The following CPEB3 variants were observed in gnomAD, a reference collection of about 807,000 sequenced individuals.
CPEB3 encodes the protein cytoplasmic polyadenylation element binding protein 3, also known as cytoplasmic polyadenylation element-binding protein 3.
Under a neutral mutation model 67.2 loss-of-function variants are expected in CPEB3, and 20 were observed. That is an observed-to-expected ratio of 0.30 (90% confidence interval 0.21 to 0.43). The LOEUF (loss-of-function observed/expected upper bound fraction) is 0.43. CPEB3 is among the 20% of genes least tolerant of loss of function. The pLI is 1.00. For missense variants in CPEB3, 746 were observed against 968.6 expected, an observed-to-expected ratio of 0.77 and a Z score of 3.05; for synonymous variants, 376 against 393.1, an observed-to-expected ratio of 0.96 and a Z score of 0.51.
chr10:92,219,947 C>G (rs1388038951), intron 2 of CPEB3, among the ~76,000 whole-genome samples: 1 of 152,194 alleles, frequency 6.6e-6, no homozygotes, highest in Non-Finnish European at 1.5e-5. Context: ...CACCTGAGGT[C>G]AGGAGTTCGA....
chr10:92,191,812 G>C (rs1848998231), intron 3 of CPEB3, among the ~76,000 whole-genome samples: 1 of 152,106 alleles, frequency 6.6e-6, no homozygotes, highest in Non-Finnish European at 1.5e-5. Context: ...CCCATAAAAA[G>C]AACTATCTGT....
intron 4 of CPEB3, among the ~76,000 whole-genome samples, chr10:92,172,812 T>C (rs1413412765): frequency 6.6e-6 from 1 of 152,224 alleles, no homozygotes; most frequent in Non-Finnish European, 1.5e-5. Context: ...TTTTTTTCCA[T>C]GTTCTGGAAA....
intron 9 of CPEB3, among the ~76,000 whole-genome samples, chr10:92,060,564 C>T (rs1360367083): frequency 2.0e-5 from 3 of 152,008 alleles, no homozygotes. Context: ...AGGATAAAAT[C>T]AACAAAGAGA....
chr10:92,079,037 G>A (rs1464959579), intron 9 of CPEB3, among the ~76,000 whole-genome samples: 7 of 152,200 alleles, frequency 4.6e-5, no homozygotes, highest in Non-Finnish European at 8.8e-5. Flanking sequence ...TTCCTGTACA[G>A]TCACTAGTTC....
At chr10:92,067,468 C>A (rs1842596975) in intron 9 of CPEB3, among the ~76,000 whole-genome samples, 1 of 151,450 alleles carries the variant, frequency 6.6e-6, no homozygotes, top group Non-Finnish European at 1.5e-5. Context: ...CCACTGCACT[C>A]CAGCCCAGGC....
At chr10:92,075,504 T>G (rs1261856995) in intron 9 of CPEB3, among the ~76,000 whole-genome samples, 1 of 152,144 alleles carries the variant, frequency 6.6e-6, no homozygotes, top group Non-Finnish European at 1.5e-5. Flanking sequence ...CGAAAAAACA[T>G]GTAATTGTAC....
chr10:92,095,952 T>C (rs1002860670), intron 7 of CPEB3, among the ~76,000 whole-genome samples: 6 of 151,752 alleles, frequency 4.0e-5, no homozygotes, highest in South Asian at 2.1e-4. Flanking sequence ...CTCAGTCCAC[T>C]GAAACCTCCA....
At chr10:92,085,282 G>A (rs1843324506) in intron 8 of CPEB3, among the ~76,000 whole-genome samples, 1 of 152,182 alleles carries the variant, frequency 6.6e-6, no homozygotes. Flanking sequence ...TCATTGGTCT[G>A]TCTGGTCATG....
At chr10:92,065,924 C>T (rs536897193) in intron 9 of CPEB3, among the ~76,000 whole-genome samples, 35 of 151,928 alleles carry the variant, frequency 2.3e-4, no homozygotes, top group African/African-American at 8.0e-4. Context: ...TGAGACCCCC[C>T]CTCTCTATCA....
intron 6 of CPEB3, chr10:92,138,297 G>A (rs180844794): frequency 4.6e-6 from 1 of 219,640 alleles, no homozygotes; most frequent in Admixed American, 4.1e-5. Context: ...AAGACAAGAG[G>A]ACTCTTTAAG....
intron 4 of CPEB3, among the ~76,000 whole-genome samples, chr10:92,179,687 C>T (rs1301015662): frequency 6.6e-6 from 1 of 152,200 alleles, no homozygotes; most frequent in East Asian, 1.9e-4. Flanking sequence ...ATCTCCCTAA[C>T]CCTGCCAAAA....
intron 1 of CPEB3, among the ~76,000 whole-genome samples, chr10:92,242,656 G>A (rs1298037274): frequency 6.6e-6 from 1 of 152,062 alleles, no homozygotes; most frequent in Non-Finnish European, 1.5e-5. Context: ...TGCTGTTAAT[G>A]CCTTCAGTTT....
At chr10:92,246,522 T>G (rs1852076142) in intron 1 of CPEB3, among the ~76,000 whole-genome samples, 2 of 151,758 alleles carry the variant, frequency 1.3e-5, no homozygotes, top group South Asian at 4.2e-4. Flanking sequence ...TTTTTTTTTT[T>G]TTTGAGACAG....
chr10:92,055,370 G>A (rs1842071374), intron 9 of CPEB3, among the ~76,000 whole-genome samples: 1 of 152,158 alleles, frequency 6.6e-6, no homozygotes, highest in Admixed American at 6.5e-5. Context: ...CTTTCTTAGG[G>A]AATAACATAT....
chr10:92,286,217 G>C (rs1218371615), intron 1 of CPEB3, among the ~76,000 whole-genome samples: 2 of 151,984 alleles, frequency 1.3e-5, no homozygotes, highest in Non-Finnish European at 2.9e-5. Flanking sequence ...TTACAGGCGT[G>C]AGCTACCACA....
At position 92,090,666 on chromosome 10, in the gene CPEB3, C is replaced by G. The variant is rs1053208522; in HGVS notation, c.1687+1164G>C. On this transcript the variant is annotated intron_variant, in intron 8 of 9. Transcript: ENST00000265997. Reference sequence around the variant, plus strand: ...AAAGGATTTCTGTCCCTCTCCACTCCTAAATATAACACTAGTTAGAAAAAG... The same window carrying G: ...AAAGGATTTCTGTCCCTCTCCACTCGTAAATATAACACTAGTTAGAAAAAG... Among the ~76,000 whole-genome samples, 4 of 152,340 alleles carry G rather than the reference C, an allele frequency of 2.6e-5. No homozygotes were observed. In the South Asian group the frequency reaches 8.3e-4, roughly 32 times the overall value.
In CPEB3 at chr10:92,240,174, G is replaced by T; in HGVS notation, c.177C>A (p.Ala59=). The stretch of plus-strand genomic sequence containing the variant: ...GGCCGTTGGGGGCCGGGGGGGCAGC[G>T]GCTGGGCTGAGGGCCGGCACTGCGC... ...ENSAVPALSP[A]AAPPAPNGPD... is the part of the protein sequence containing the mutation. Residue 59 remains alanine (A), a synonymous_variant, in exon 2 of 10, where the codon GCC becomes GCA. Coordinates refer to ENST00000265997, the MANE Select transcript of CPEB3 (RefSeq NM_014912.5). 1 of 1,540,668 alleles carries T rather than the reference G, an allele frequency of 6.5e-7. No individual in the cohort carries two copies. The highest frequency in any genetic ancestry group is 8.8e-7 in the Non-Finnish European group (1 of 1,141,568).
chr10:92,109,200 C>A (rs559202106), intron 7 of CPEB3, among the ~76,000 whole-genome samples: 1 of 152,164 alleles, frequency 6.6e-6, no homozygotes, highest in African/African-American at 2.4e-5. Flanking sequence ...AGCAGAGGCT[C>A]TCTGGAGGTT....
intron 9 of CPEB3, among the ~76,000 whole-genome samples, chr10:92,080,617 G>A (rs551532430): frequency 6.6e-6 from 1 of 150,790 alleles, no homozygotes; most frequent in Non-Finnish European, 1.5e-5. Flanking sequence ...TTTTTTAGAC[G>A]GAGCCTCGCT....
Sources: gnomAD v4.1 joint callset for allele counts (sites outside exome capture counted in the v4.1 genomes callset) on GRCh38, gnomAD v4.1.1 for gene constraint, MANE v1.5 for transcripts, NCBI Gene and HGNC (gene_info 2026-07-23, HGNC 2026-07-21) for gene names.